SORCS3: variants seen among roughly 807,000 people sequenced by gnomAD.
SORCS3 encodes sortilin related VPS10 domain containing receptor 3, also known as VPS10 domain-containing receptor SorCS3.
In SORCS3, 57 loss-of-function variants were observed where a neutral mutation model predicts 146.3. That is an observed-to-expected ratio of 0.39 (90% CI 0.31 to 0.49). The LOEUF (loss-of-function observed/expected upper bound fraction) is 0.49. Among genes scored for constraint, SORCS3 ranks in the 20% least tolerant of loss-of-function variants. SORCS3 has a pLI of 0.92. For missense variants in SORCS3, 1,341 were observed against 1,575.5 expected, an observed-to-expected ratio of 0.85 and a Z score of 2.52; for synonymous variants, 653 against 618.5, an observed-to-expected ratio of 1.06 and a Z score of -0.83.
intron 1 of SORCS3, among the ~76,000 whole-genome samples, chr10:104,836,672 C>T (rs557608302): frequency 3.3e-5 from 5 of 152,128 alleles, no homozygotes; most frequent in Non-Finnish European, 7.4e-5. Context: ...ACTGACTACA[C>T]CAAGTGCAAT....
chr10:104,798,158 G>A (rs886495804), intron 1 of SORCS3, among the ~76,000 whole-genome samples: 63 of 152,202 alleles, frequency 4.1e-4, no homozygotes, highest in African/African-American at 1.2e-3. Flanking sequence ...CCAAGCCTTA[G>A]CTCCTTTGAT....
Position 105,167,192 on chromosome 10 carries a change from A to C in SORCS3, c.1810-66A>C. The C allele has an allele frequency of 3.2e-6, 4 of 1,259,302 alleles. No individual in the cohort carries two copies. In the South Asian group the frequency reaches 5.1e-5, roughly 16 times the overall value. 78.0% of individuals were successfully genotyped at this position (1,259,302 alleles called of 1,614,324 possible). A position where few individuals can be genotyped will look rare whatever the true frequency, so the allele number is the denominator to read the frequency against. On this transcript the variant is annotated intron_variant, in intron 12 of 26. Transcript: ENST00000369701. ...GAAACAATATATGTGAAAGACTGTA[A>C]ACTGTTAAGCACTATGCAAATGTAA...
chr10:104,876,182 A>G (rs539696667), intron 2 of SORCS3, among the ~76,000 whole-genome samples: 2 of 152,344 alleles, frequency 1.3e-5, no homozygotes, highest in South Asian at 4.1e-4. Flanking sequence ...ACTAAGGGCA[A>G]TAAACATTCC....
intron 9 of SORCS3, among the ~76,000 whole-genome samples, chr10:105,155,181 A>C (rs2056198022): frequency 6.6e-6 from 1 of 152,210 alleles, no homozygotes; most frequent in Non-Finnish European, 1.5e-5. Context: ...CTCAGTCGGA[A>C]AACATGGTAA....
At chr10:104,648,148 C>T (rs1380271068) in intron 1 of SORCS3, among the ~76,000 whole-genome samples, 6 of 152,136 alleles carry the variant, frequency 3.9e-5, no homozygotes, top group East Asian at 1.9e-4. Flanking sequence ...GCTATGAGCT[C>T]GCAGAAGAGA....
intron 16 of SORCS3, among the ~76,000 whole-genome samples, chr10:105,207,272 T>TTTATTATTATTA (rs6144063): frequency 0.047 from 6,861 of 147,136 alleles, 214 homozygotes; most frequent in Middle Eastern, 0.093. Flanking sequence ...CATGCAGAGG[T>TTTATTATTATTA]TTATTATTAT....
At chr10:104,645,263 A>G (rs537378026) in intron 1 of SORCS3, among the ~76,000 whole-genome samples, 2 of 152,232 alleles carry the variant, frequency 1.3e-5, no homozygotes, top group East Asian at 3.9e-4. Flanking sequence ...TGGGTTAGAG[A>G]GTGTTTCAAA....
At chr10:105,258,983 T>C (rs1337265810) in intron 25 of SORCS3, among the ~76,000 whole-genome samples, 1 of 152,198 alleles carries the variant, frequency 6.6e-6, no homozygotes, top group Non-Finnish European at 1.5e-5. Flanking sequence ...GGATTTTCTT[T>C]TATTTTTTTG....
chr10:105,263,333 A>T lies in SORCS3; in HGVS notation c.3628A>T (p.Ser1210Cys). 6.2e-7 allele frequency: 1 copy of T among 1,614,122 alleles called. No individual in the cohort carries two copies. The highest frequency in any genetic ancestry group is 8.5e-7 in the Non-Finnish European group (1 of 1,179,970). ...VIGGIATIAN[S>C]ESTKEIPNCT... ...AGGAGGCATTGCCACTATTGCAAAC[A>T]GCGAAAGCACAAAGGAGATCCCCAA... Residue 1210 changes from serine to cysteine, a missense_variant, in exon 27 of 27, where the codon AGC (serine) becomes TGC (cysteine). By Grantham distance (112) the Ser-to-Cys change is moderately radical. Coordinates refer to ENST00000369701, the MANE Select transcript of SORCS3 (RefSeq NM_014978.3).
intron 7 of SORCS3, among the ~76,000 whole-genome samples, chr10:105,106,150 G>C (rs553455449): frequency 1.3e-5 from 2 of 152,296 alleles, no homozygotes; most frequent in African/African-American, 4.8e-5. Flanking sequence ...TGCTCCACCA[G>C]ATGACTGACA....
intron 3 of SORCS3, among the ~76,000 whole-genome samples, chr10:104,974,761 T>A (rs1169968655): frequency 1.3e-5 from 2 of 152,172 alleles, no homozygotes; most frequent in Non-Finnish European, 2.9e-5. Context: ...GCTATTTTGC[T>A]TGTTAGTTGA....
chr10:104,703,592 C>T (rs891425646), intron 1 of SORCS3, among the ~76,000 whole-genome samples: 1 of 151,330 alleles, frequency 6.6e-6, no homozygotes, highest in Non-Finnish European at 1.5e-5. Flanking sequence ...TACACCGGGG[C>T]CTGCTGGAGG....
intron 4 of SORCS3, among the ~76,000 whole-genome samples, chr10:105,002,351 A>G (rs1441955079): frequency 6.6e-6 from 1 of 152,180 alleles, no homozygotes; most frequent in African/African-American, 2.4e-5. Flanking sequence ...TTATGGGTTC[A>G]TTTTCACAGA....
At chr10:105,159,784 C>A (rs994128303) in intron 11 of SORCS3, among the ~76,000 whole-genome samples, 2 of 152,186 alleles carry the variant, frequency 1.3e-5, no homozygotes, top group African/African-American at 2.4e-5. Flanking sequence ...AAGCTCTGGT[C>A]CCTGGAGTTC....
intron 2 of SORCS3, among the ~76,000 whole-genome samples, chr10:104,887,971 G>GTGA (rs1554857309): frequency 1.2e-5 from 1 of 83,034 alleles, no homozygotes; most frequent in African/African-American, 5.5e-5. Context: ...GGGGGGCGGG[G>GTGA]GCGGAGCAAG....
chr10:104,655,293 C>T (rs899935767), intron 1 of SORCS3, among the ~76,000 whole-genome samples: 11 of 150,602 alleles, frequency 7.3e-5, no homozygotes, highest in Middle Eastern at 3.2e-3. Context: ...ATTTTAGCTT[C>T]GGGGGTACAT....
chr10:105,240,962 A>C (rs2056818926), intron 20 of SORCS3, among the ~76,000 whole-genome samples: 1 of 151,090 alleles, frequency 6.6e-6, no homozygotes, highest in Non-Finnish European at 1.5e-5. Context: ...ATATATATAT[A>C]TCTATATCTA....
chr10:105,057,148 G>A (rs1005512164), intron 5 of SORCS3, among the ~76,000 whole-genome samples: 4 of 152,186 alleles, frequency 2.6e-5, no homozygotes, highest in Admixed American at 1.3e-4. Flanking sequence ...TGGGTAGTCT[G>A]ATGCATTGCC....
At chr10:104,702,382 A>G (rs1445095131) in intron 1 of SORCS3, among the ~76,000 whole-genome samples, 2 of 152,100 alleles carry the variant, frequency 1.3e-5, no homozygotes, top group Non-Finnish European at 2.9e-5. Flanking sequence ...CTCCCAAGTT[A>G]AAGTGATTCT....
Sources: allele counts gnomAD v4.1 joint callset (sites outside exome capture counted in the v4.1 genomes callset), GRCh38; gene constraint gnomAD v4.1.1; transcripts MANE v1.5; gene names NCBI Gene and HGNC (gene_info 2026-07-23, HGNC 2026-07-21).